SLCO1B3: variants seen among roughly 807,000 people sequenced by gnomAD.
SLCO1B3 encodes solute carrier organic anion transporter family member 1B3.
A neutral mutation model predicts 71.8 loss-of-function variants in SLCO1B3; 72 were observed. That is an observed-to-expected ratio of 1.00 (90% confidence interval 0.83 to 1.22). SLCO1B3 has a LOEUF of 1.22. Ranked by LOEUF, SLCO1B3 falls within the 50% of genes most tolerant of loss-of-function variation. SLCO1B3 has a pLI of 0.00. For synonymous variants in SLCO1B3, 298 were observed against 278.4 expected, an observed-to-expected ratio of 1.07 and a Z score of -0.70; for missense variants, 911 against 819.7, an observed-to-expected ratio of 1.11 and a Z score of -1.36.
chr12:20,880,480 C>T (rs1280496163), intron 11 of SLCO1B3, among the ~76,000 whole-genome samples: 7 of 151,768 alleles, frequency 4.6e-5, no homozygotes. Flanking sequence ...TGAAGAGAAA[C>T]TGAATCTCAG....
chr12:20,827,856 C>T (rs112160944), intron 3 of SLCO1B3, among the ~76,000 whole-genome samples: 8,690 of 152,176 alleles, frequency 0.057, 435 homozygotes, highest in African/African-American at 0.13. Context: ...GTGTGAGCCA[C>T]GGTGCACAAG....
intron 15 of SLCO1B3, among the ~76,000 whole-genome samples, chr12:20,907,708 C>A (rs1490761696): frequency 1.3e-5 from 2 of 151,654 alleles, no homozygotes; most frequent in African/African-American, 4.8e-5. Flanking sequence ...ACGGTTTCGC[C>A]ATGTTGGCCA....
chr12:20,856,475 T>C (rs1354563463), intron 4 of SLCO1B3, among the ~76,000 whole-genome samples: 1 of 152,198 alleles, frequency 6.6e-6, no homozygotes, highest in African/African-American at 2.4e-5. Flanking sequence ...ATTTACATTG[T>C]ATTAGAAGTA....
intron 3 of SLCO1B3, among the ~76,000 whole-genome samples, chr12:20,825,760 C>G (rs10770744): frequency 6.9e-6 from 1 of 144,126 alleles, no homozygotes; most frequent in Non-Finnish European, 1.5e-5. Flanking sequence ...GATTGTGGCA[C>G]TGCACTCCAG....
chr12:20,906,918 A>G (rs189111754), intron 15 of SLCO1B3, among the ~76,000 whole-genome samples: 3 of 152,310 alleles, frequency 2.0e-5, no homozygotes, highest in Admixed American at 6.5e-5. Flanking sequence ...TCCTAAAGAT[A>G]TCTATACTCC....
At chr12:20,859,650 TC>T (rs1418265725) in intron 5 of SLCO1B3, among the ~76,000 whole-genome samples, 4 of 152,040 alleles carry the variant, frequency 2.6e-5, no homozygotes, top group Non-Finnish European at 4.4e-5. Context: ...GTCCCATAAT[TC>T]CCTCTAATCT....
At position 20,813,617 on chromosome 12, in the gene SLCO1B3, A is replaced by T. The variant is rs1864143319; in HGVS notation, c.-87A>T. 1 of 152,162 alleles carries T rather than the reference A, an allele frequency of 6.6e-6. No homozygotes were observed. Among genetic ancestry groups the T allele is most frequent in the Admixed American group, 6.6e-5 (1 of 15,260 alleles). 9.4% of individuals were successfully genotyped at this position (152,162 alleles called of 1,614,324 possible). ...TTGTTCCCACCTCCTAGAGGGCCTG[A>T]CAGAAGAGGTACATATGCTATGTAA... On this transcript the variant is annotated 5_prime_UTR_variant, in exon 2 of 16. Coordinates refer to ENST00000381545, the MANE Select transcript of SLCO1B3 (RefSeq NM_019844.4).
Position 20,875,604 on chromosome 12 carries a change from A to T in SLCO1B3, c.970+127A>T. ...CTTTCTTCTCTGCTAAATTTAGCTG[A>T]ATTATTTTTTCTAAAACTCCTATTA... On this transcript the variant is annotated intron_variant, in intron 9 of 15. Transcript: ENST00000381545. 3.0e-6 allele frequency: 3 copies of T among 991,882 alleles called. No individual in the cohort carries two copies. In the South Asian group the frequency reaches 4.7e-5, roughly 16 times the overall value. 61.4% of individuals were successfully genotyped at this position (991,882 alleles called of 1,614,324 possible).
intron 3 of SLCO1B3, among the ~76,000 whole-genome samples, chr12:20,816,193 T>C (rs1864189244): frequency 6.6e-6 from 1 of 152,204 alleles, no homozygotes. Flanking sequence ...AAGCATTTTT[T>C]CATTGAGTTG....
intron 4 of SLCO1B3, among the ~76,000 whole-genome samples, chr12:20,858,004 G>C (rs1036117684): frequency 2.0e-5 from 3 of 151,942 alleles, no homozygotes; most frequent in Non-Finnish European, 4.4e-5. Flanking sequence ...TGTGTTTCTA[G>C]AGAACAAGTA....
intron 2 of SLCO1B3, among the ~76,000 whole-genome samples, chr12:20,814,976 C>CTT (rs1297703814): frequency 1.2e-3 from 142 of 117,054 alleles, no homozygotes; most frequent in Middle Eastern, 4.9e-3. Flanking sequence ...CTTTTCTTTT[C>CTT]TTTTCTTTTT....
intron 8 of SLCO1B3, among the ~76,000 whole-genome samples, chr12:20,872,982 A>G (rs922495673): frequency 7.2e-5 from 11 of 152,136 alleles, no homozygotes; most frequent in Non-Finnish European, 1.5e-4. Flanking sequence ...TAGAGTATGC[A>G]GGGTCTTATC....
At chr12:20,841,613 G>A (rs1864803896) in intron 3 of SLCO1B3, among the ~76,000 whole-genome samples, 2 of 152,188 alleles carry the variant, frequency 1.3e-5, no homozygotes, top group Admixed American at 1.3e-4. Flanking sequence ...TACATATGCA[G>A]GTTTGTTACA....
intron 3 of SLCO1B3, among the ~76,000 whole-genome samples, chr12:20,835,191 AG>A (rs1418084743): frequency 3.3e-5 from 5 of 152,142 alleles, no homozygotes; most frequent in Non-Finnish European, 4.4e-5. Context: ...TGCACACAGC[AG>A]GGGGGCCCTG....
rs374015229 is a variant in SLCO1B3 at position 20,862,829 on chromosome 12, C to G, written c.702C>G (p.Tyr234Ter). ...TGGGATCTCTGTTTGCTAAAATGTA[C>G]GTGGATATTGGATATGTAGATCTGA... ...FALGSLFAKMYVDIGYVDLST... is the reference protein window; with the variant it reads ...FALGSLFAKM The change falls in exon 8 of 16, where the codon TAC (tyrosine) becomes TAG (stop). Residue 234 changes from tyrosine to a stop codon, truncating the protein, a stop_gained. Transcript: ENST00000381545. LOFTEE classifies it high-confidence loss of function. 1 of 1,600,576 alleles carries G rather than the reference C, an allele frequency of 6.2e-7. No individual in the cohort carries two copies. Among genetic ancestry groups the G allele is most frequent in the South Asian group, 1.1e-5 (1 of 90,656 alleles).
chr12:20,874,442 T>C (rs1565597716), intron 8 of SLCO1B3, among the ~76,000 whole-genome samples: 1 of 152,214 alleles, frequency 6.6e-6, no homozygotes, highest in African/African-American at 2.4e-5. Context: ...TGAATATTAC[T>C]GTTGAATCAG....
At chr12:20,871,703 C>T (rs773181467) in intron 8 of SLCO1B3, among the ~76,000 whole-genome samples, 1 of 152,066 alleles carries the variant, frequency 6.6e-6, no homozygotes, top group East Asian at 1.9e-4. Flanking sequence ...GTTCTCTTCC[C>T]CTGCTTTCTC....
chr12:20,899,831 A>T (rs1866093657), intron 14 of SLCO1B3, among the ~76,000 whole-genome samples: 1 of 152,220 alleles, frequency 6.6e-6, no homozygotes, highest in South Asian at 2.1e-4. Flanking sequence ...AATTGTGAAC[A>T]TCCAATTTTG....
chr12:20,844,184 CCTTAAA>C (rs1328033469), intron 3 of SLCO1B3, among the ~76,000 whole-genome samples: 3 of 151,072 alleles, frequency 2.0e-5, no homozygotes, highest in South Asian at 2.1e-4. Context: ...ACTTTGTATA[CCTTAAA>C]CTTAAAGATA....
Sources: gnomAD v4.1 joint callset for allele counts (sites outside exome capture counted in the v4.1 genomes callset) on GRCh38, gnomAD v4.1.1 for gene constraint, MANE v1.5 for transcripts, NCBI Gene and HGNC (gene_info 2026-07-23, HGNC 2026-07-21) for gene names.